The following SLC4A5 variants were observed in gnomAD, a reference collection of about 807,000 sequenced individuals.
The protein encoded by SLC4A5 is electrogenic sodium bicarbonate cotransporter 4.
Under a neutral mutation model 120.4 loss-of-function variants are expected in SLC4A5, and 96 were observed. The observed-to-expected ratio is 0.80, with a 90% CI of 0.68 to 0.94. The LOEUF is 0.94. SLC4A5 is among the 40% of genes least tolerant of loss of function. SLC4A5 has a pLI of 0.00. For missense variants in SLC4A5, 1,259 were observed against 1,459.5 expected, an observed-to-expected ratio of 0.86 and a Z score of 2.24; for synonymous variants, 550 against 571.1, an observed-to-expected ratio of 0.96 and a Z score of 0.53.
chr2:74,318,930 T>C (rs973599244), intron 5 of SLC4A5, among the ~76,000 whole-genome samples: 3 of 152,038 alleles, frequency 2.0e-5, no homozygotes, highest in Non-Finnish European at 4.4e-5. Flanking sequence ...CTATTCACAA[T>C]AGCAAAGATA....
chr2:74,286,340 A>G (rs1239690989), intron 7 of SLC4A5, among the ~76,000 whole-genome samples: 1 of 152,190 alleles, frequency 6.6e-6, no homozygotes, highest in Non-Finnish European at 1.5e-5. Flanking sequence ...GACAGCTTGC[A>G]CACCCTTGTA....
At position 74,319,697 on chromosome 2, in the gene SLC4A5, A is replaced by C. The variant is rs13425830; in HGVS notation, c.-2-4672T>G. ...TCTCTCTCTCTCTCCCCATTCACTG[A>C]TTGAACATCCTACTGCGTCTTGACT... On this transcript the variant is annotated intron_variant, in intron 5 of 30. Transcript: ENST00000394019. 5.7e-3 allele frequency among the ~76,000 whole-genome samples: 871 copies of C among 152,020 alleles called. 8 individuals carry two copies. The highest frequency in any genetic ancestry group is 9.2e-3 in the South Asian group (44 of 4,808).
At chr2:74,333,238 A>G (rs1673404937) in intron 4 of SLC4A5, among the ~76,000 whole-genome samples, 1 of 152,186 alleles carries the variant, frequency 6.6e-6, no homozygotes, top group Admixed American at 6.5e-5. Flanking sequence ...CAACAAAAAA[A>G]TTATCTGACC....
intron 24 of SLC4A5, among the ~76,000 whole-genome samples, chr2:74,231,543 T>C (rs1670084868): frequency 6.6e-6 from 1 of 152,200 alleles, no homozygotes; most frequent in Non-Finnish European, 1.5e-5. Flanking sequence ...CCGCTTAGTG[T>C]AGTGGCTTGT....
intron 7 of SLC4A5, among the ~76,000 whole-genome samples, chr2:74,293,468 C>T (rs1004872088): frequency 8.5e-5 from 13 of 152,150 alleles, no homozygotes; most frequent in Admixed American, 8.5e-4. Context: ...CTGTCCCAAG[C>T]CTGTGAATTT....
At chr2:74,329,204 T>C (rs1319474560) in intron 4 of SLC4A5, among the ~76,000 whole-genome samples, 2 of 152,174 alleles carry the variant, frequency 1.3e-5, no homozygotes, top group Non-Finnish European at 2.9e-5. Context: ...GGTGAAGTTA[T>C]GAAGTACAGA....
Position 74,255,166 on chromosome 2 carries a change from T to C in SLC4A5, c.1026-460A>G, listed in dbSNP as rs1670922469. ...CCCTCCATGGAACCCTATGTTTGCT[T>C]TGGAGGAACATTTCCTCTTCCCCTC... On this transcript the variant is annotated intron_variant, in intron 13 of 30. Transcript: ENST00000394019. This position sits in a 1 kb window ranked among gnomAD's most constrained non-coding sequence, Gnocchi z 4.0. 1.3e-5 allele frequency among the ~76,000 whole-genome samples: 2 copies of C among 152,196 alleles called. No homozygotes were observed. Among genetic ancestry groups the C allele is most frequent in the South Asian group, 4.1e-4 (2 of 4,826 alleles).
intron 5 of SLC4A5, among the ~76,000 whole-genome samples, chr2:74,317,429 G>A: frequency 6.6e-6 from 1 of 152,132 alleles, no homozygotes; most frequent in Admixed American, 6.5e-5. Context: ...CTCAAAGATA[G>A]AAATAGGACA....
rs563547457 is a variant in SLC4A5 at position 74,264,081 on chromosome 2, C to T, written c.715+66G>A. On this transcript the variant is annotated intron_variant, in intron 10 of 30. Transcript: ENST00000394019. ...ACTCCCAGCCCCTAAGGTGGGCTCA[C>T]CCGGGTACCAGGGCCTGATACTGGC... The T allele has an allele frequency of 2.6e-6, 4 of 1,552,320 alleles. No individual in the cohort carries two copies. The Admixed American group carries it at 5.8e-5, about 23-fold the overall frequency.
rs1398012230 is a variant in SLC4A5, at chr2:74,262,240, G to A, written c.716-8C>T. 1.2e-6 allele frequency: 2 copies of A among 1,613,388 alleles called. No homozygotes were observed. Among genetic ancestry groups the A allele is most frequent in the East Asian group, 2.2e-5 (1 of 44,874 alleles). On this transcript the variant is annotated splice_polypyrimidine_tract_variant and splice_region_variant and intron_variant, in intron 10 of 30. Coordinates refer to ENST00000394019, the Ensembl canonical transcript of SLC4A5. Reference sequence around the variant, plus strand: ...TCCGGGCAGGACTGCGATCTGGGAGGAGAATCAGAAGGGACTTGGCTTCGA... The same window carrying A: ...TCCGGGCAGGACTGCGATCTGGGAGAAGAATCAGAAGGGACTTGGCTTCGA...
intron 29 of SLC4A5, 31 bp from the exon 30 acceptor site, chr2:74,221,532 G>A: frequency 6.2e-7 from 1 of 1,605,136 alleles, no homozygotes; most frequent in Non-Finnish European, 8.5e-7. Flanking sequence ...GTCAGATGTG[G>A]AGCAGGTTTG....
chr2:74,289,883 A>C (rs534153477), intron 7 of SLC4A5, among the ~76,000 whole-genome samples: 7 of 152,282 alleles, frequency 4.6e-5, no homozygotes, highest in African/African-American at 1.7e-4. Flanking sequence ...TAAAATATAA[A>C]ATAAAATAAA....
At chr2:74,307,575 T>C (rs1008026872) in intron 6 of SLC4A5, 24 of 677,310 alleles carry the variant, frequency 3.5e-5, no homozygotes, top group Admixed American at 1.3e-4. Flanking sequence ...GTGGGCATTG[T>C]CCACAGTATT....
In SLC4A5 at chr2:74,318,662, G is replaced by A. The variant is rs1181762532; in HGVS notation, c.-2-3637C>T. 6.6e-5 allele frequency among the ~76,000 whole-genome samples: 10 copies of A among 150,642 alleles called. No homozygotes were observed. The South Asian group carries it at 1.5e-3, about 22-fold the overall frequency. The stretch of plus-strand genomic sequence containing the variant: ...TGTGCCACTGCACTCCAGCCTGGGC[G>A]ACAGAGTGAGACTCTGTCTCACAAA... On this transcript the variant is annotated intron_variant, in intron 5 of 30. Transcript: ENST00000394019.
At chr2:74,231,139 C>A in intron 25 of SLC4A5, 97 bp downstream of exon 25, 1 of 1,097,338 alleles carries the variant, frequency 9.1e-7, no homozygotes, top group Middle Eastern at 2.2e-4. Context: ...GCTGATAGGC[C>A]AGTGATCCCT....
At chr2:74,306,885 G>C in intron 6 of SLC4A5, 1 of 629,370 alleles carries the variant, frequency 1.6e-6, no homozygotes, top group Non-Finnish European at 2.9e-6. Context: ...GTGGTAGGTG[G>C]TGATCTCAGC....
chr2:74,278,403 T>C (rs1258099562), intron 8 of SLC4A5, among the ~76,000 whole-genome samples: 1 of 152,178 alleles, frequency 6.6e-6, no homozygotes, highest in Admixed American at 6.5e-5. Context: ...GCTGTCCCCA[T>C]GGGTGTGGAC....
chr2:74,336,164 C>T (rs900686726), intron 3 of SLC4A5, among the ~76,000 whole-genome samples: 7 of 152,164 alleles, frequency 4.6e-5, no homozygotes, highest in African/African-American at 1.2e-4. Flanking sequence ...ACCTCCCAGG[C>T]TCAAGCGATT....
At chr2:74,224,812 CTG>C (rs563412053) in intron 28 of SLC4A5, 26 bp downstream of exon 28, 3 of 1,595,484 alleles carry the variant, frequency 1.9e-6, no homozygotes, top group Non-Finnish European at 1.7e-6. Flanking sequence ...AATTTCTCCT[CTG>C]TGCCCCGGCC....
Sources: allele counts gnomAD v4.1 joint callset (sites outside exome capture counted in the v4.1 genomes callset), GRCh38; gene constraint gnomAD v4.1.1; non-coding constraint Gnocchi (gnomAD v3.1); transcripts MANE v1.5; gene names NCBI Gene and HGNC (gene_info 2026-07-23, HGNC 2026-07-21).